NPNT: variants seen among roughly 807,000 people sequenced by gnomAD.
The protein encoded by NPNT is nephronectin.
A neutral mutation model predicts 68.6 loss-of-function variants in NPNT; 45 were observed. That is an observed-to-expected ratio of 0.66 (90% CI 0.52 to 0.84). The LOEUF (loss-of-function observed/expected upper bound fraction) is 0.84, where lower values mean the gene tolerates loss of function less well. NPNT is among the 40% of genes least tolerant of loss of function. NPNT has a pLI of 0.00. For synonymous variants in NPNT, 233 were observed against 253.3 expected, an observed-to-expected ratio of 0.92 and a Z score of 0.76; for missense variants, 672 against 714.8, an observed-to-expected ratio of 0.94 and a Z score of 0.68.
intron 5 of NPNT, among the ~76,000 whole-genome samples, 195 bp from the exon 6 acceptor site, chr4:105,939,879 TA>T (rs1246485254): frequency 6.6e-6 from 1 of 152,274 alleles, no homozygotes; most frequent in Admixed American, 6.5e-5. Flanking sequence ...AAGAAAATAA[TA>T]ACTTGGCTTA....
chr4:105,958,543 CA>C lies in NPNT; in HGVS notation c.1235del (p.Lys412ArgfsTer42). 6.3e-7 allele frequency: 1 copy of C among 1,596,322 alleles called. No individual in the cohort carries two copies. Among genetic ancestry groups the C allele is most frequent in the Non-Finnish European group, 8.6e-7 (1 of 1,165,364 alleles). Reference sequence around the variant, plus strand: ...AGAGGAGTCAGTGCAGACGATGAAGCAAAGGATGATCCAGGTGACACTTACA... The same window carrying C: ...AGAGGAGTCAGTGCAGACGATGAAGCAAGGATGATCCAGGTGACACTTACA... ...IERGVSADDE[A>X]KDDPGVLVHS... On this transcript the variant is annotated frameshift_variant, in exon 9 of 12. Coordinates refer to ENST00000379987, the MANE Select transcript of NPNT (RefSeq NM_001033047.3). LOFTEE classifies it high-confidence loss of function.
chr4:105,906,360 C>A (rs1298749877), intron 2 of NPNT, among the ~76,000 whole-genome samples: 1 of 152,164 alleles, frequency 6.6e-6, no homozygotes, highest in Admixed American at 6.5e-5. Flanking sequence ...ACATTCCTAT[C>A]ATGAAGCCAG....
At chr4:105,959,523 C>CTTTTT (rs1014448942) in intron 10 of NPNT, among the ~76,000 whole-genome samples, 1 of 129,620 alleles carries the variant, frequency 7.7e-6, no homozygotes, top group Non-Finnish European at 1.7e-5. Context: ...TTTTTCTTTT[C>CTTTTT]TTTTTTTTTT....
chr4:105,920,105 TTC>T (rs1302888554), intron 2 of NPNT, among the ~76,000 whole-genome samples: 1 of 152,056 alleles, frequency 6.6e-6, no homozygotes, highest in Non-Finnish European at 1.5e-5. Flanking sequence ...TAACCATAGA[TTC>T]TTTTTTTATT....
chr4:105,956,876 G>A (rs1055804609), intron 8 of NPNT, among the ~76,000 whole-genome samples: 12 of 152,222 alleles, frequency 7.9e-5, no homozygotes, highest in Admixed American at 3.3e-4. Flanking sequence ...TGGATTATAA[G>A]AGGGGAAGGG....
chr4:105,958,470 G>T lies in NPNT; in HGVS notation c.1160-1G>T, dbSNP rs760863224. 1 of 1,602,762 alleles carries T rather than the reference G, an allele frequency of 6.2e-7. No homozygotes were observed. The highest frequency in any genetic ancestry group is 2.2e-5 in the East Asian group (1 of 44,682). ...AAAAACTCAAAACCTTTCTCTTGCAGTTCCACGGCAACCTTCAAATGACTT... is the reference window on the plus strand; with the variant it reads ...AAAAACTCAAAACCTTTCTCTTGCATTTCCACGGCAACCTTCAAATGACTT... On this transcript the variant is annotated splice_acceptor_variant, in intron 8 of 11. Coordinates refer to ENST00000379987, the MANE Select transcript of NPNT (RefSeq NM_001033047.3). LOFTEE classifies it high-confidence loss of function.
At chr4:105,924,442 C>T (rs913984203) in intron 2 of NPNT, among the ~76,000 whole-genome samples, 3 of 152,162 alleles carry the variant, frequency 2.0e-5, no homozygotes, top group African/African-American at 4.8e-5. Flanking sequence ...ATTGTATCAA[C>T]TTTATGAGTA....
At chr4:105,897,652 T>G (rs534226087) in intron 1 of NPNT, among the ~76,000 whole-genome samples, 2 of 152,318 alleles carry the variant, frequency 1.3e-5, no homozygotes, top group African/African-American at 4.8e-5. Flanking sequence ...AGAAAGCATC[T>G]TTCCCTCCCG....
intron 8 of NPNT, among the ~76,000 whole-genome samples, chr4:105,955,517 A>G (rs896271482): frequency 3.3e-5 from 5 of 152,076 alleles, no homozygotes; most frequent in African/African-American, 1.2e-4. Context: ...TTTTATTTAG[A>G]TGTCTTAGGT....
At chr4:105,960,001 T>C (rs534153839) in intron 10 of NPNT, among the ~76,000 whole-genome samples, 2 of 151,828 alleles carry the variant, frequency 1.3e-5, no homozygotes, top group Admixed American at 1.3e-4. Context: ...TAGTAGAGAC[T>C]AGGTTTCACC....
chr4:105,931,017 C>A (rs894589627), intron 3 of NPNT, among the ~76,000 whole-genome samples: 1 of 152,130 alleles, frequency 6.6e-6, no homozygotes, highest in Non-Finnish European at 1.5e-5. Context: ...ACAAGGCACA[C>A]GTTACCTTTC....
chr4:105,959,124 C>T lies in NPNT; in HGVS notation c.1343C>T (p.Ala448Val). The T allele has an allele frequency of 6.3e-7, 1 of 1,596,736 alleles. No homozygotes were observed. Among genetic ancestry groups the T allele is most frequent in the Non-Finnish European group, 8.6e-7 (1 of 1,164,270 alleles). Residue 448 changes from alanine (A) to valine (V), a missense_variant and splice_region_variant, in exon 10 of 12, where the codon GCA becomes GTA. Transcript: ENST00000379987. ...CACTGGGAACCAATCAGGGACCCAG[C>T]AGGTAAAACCATTTCATTTAACTTT... ...DLHWEPIRDP[A>V]GGQYLTVSAA...
At chr4:105,932,886 C>T (rs1729224752) in intron 3 of NPNT, among the ~76,000 whole-genome samples, 2 of 152,186 alleles carry the variant, frequency 1.3e-5, no homozygotes, top group Non-Finnish European at 2.9e-5. Flanking sequence ...AGCATGGAGC[C>T]CTACTGTCCT....
intron 8 of NPNT, among the ~76,000 whole-genome samples, chr4:105,957,838 T>C (rs186849374): frequency 1.8e-4 from 28 of 152,242 alleles, no homozygotes; most frequent in Non-Finnish European, 2.9e-4. Context: ...AAAGAGAGCA[T>C]TGGGTCTGAG....
intron 10 of NPNT, among the ~76,000 whole-genome samples, chr4:105,962,871 ATG>A (rs33940803): frequency 0.08 from 11,608 of 145,278 alleles, 517 homozygotes; most frequent in African/African-American, 0.12. Context: ...GTGTGTGTGT[ATG>A]TGTGTGTGTG....
intron 8 of NPNT, among the ~76,000 whole-genome samples, chr4:105,944,408 T>A (rs1730218988): frequency 6.6e-6 from 1 of 152,224 alleles, no homozygotes; most frequent in African/African-American, 2.4e-5. Context: ...TAATGTAAGA[T>A]GATACGCTAA....
At chr4:105,956,693 A>G (rs1731255229) in intron 8 of NPNT, among the ~76,000 whole-genome samples, 1 of 152,060 alleles carries the variant, frequency 6.6e-6, no homozygotes, top group African/African-American at 2.4e-5. Context: ...TAAAAGAGGC[A>G]CTCCCCGTCT....
chr4:105,898,333 T>TCTCTCTCTCC (rs1266625818), intron 2 of NPNT, among the ~76,000 whole-genome samples: 2 of 84,720 alleles, frequency 2.4e-5, no homozygotes, highest in African/African-American at 9.7e-5. Flanking sequence ...TCTCTGTCTC[T>TCTCTCTCTCC]CTCTCTCTCT....
At chr4:105,938,112 T>A (rs543337340) in intron 4 of NPNT, among the ~76,000 whole-genome samples, 189 bp from the exon 5 acceptor site, 1 of 152,310 alleles carries the variant, frequency 6.6e-6, no homozygotes, top group African/African-American at 2.4e-5. Flanking sequence ...ATATGATAGT[T>A]TTATATTTGT....
Sources: allele counts gnomAD v4.1 joint callset (sites outside exome capture counted in the v4.1 genomes callset), GRCh38; gene constraint gnomAD v4.1.1; transcripts MANE v1.5; gene names NCBI Gene and HGNC (gene_info 2026-07-23, HGNC 2026-07-21).